Variants in FA2H observed in about 807,000 individuals in gnomAD.
The protein encoded by FA2H is fatty acid alpha-hydroxylase.
FA2H carries 22 observed loss-of-function variants against 44.9 expected under a neutral mutation model. The observed-to-expected ratio is 0.49, with a 90% CI of 0.35 to 0.70. The LOEUF is 0.70. Ranked by LOEUF, FA2H falls within the 30% of genes least tolerant of loss-of-function variation. The pLI is 0.01. For missense variants in FA2H, 501 were observed against 504.9 expected, an observed-to-expected ratio of 0.99 and a Z score of 0.07; for synonymous variants, 243 against 213.2, an observed-to-expected ratio of 1.14 and a Z score of -1.22.
intron 1 of FA2H, among the ~76,000 whole-genome samples, chr16:74,743,400 A>G (rs1357396100): frequency 1.3e-5 from 2 of 152,238 alleles, no homozygotes; most frequent in African/African-American, 2.4e-5. Flanking sequence ...GCTTCATTCA[A>G]CTGGAAGTAT....
At chr16:74,744,837 T>C (rs1304394837) in intron 1 of FA2H, among the ~76,000 whole-genome samples, 1 of 152,160 alleles carries the variant, frequency 6.6e-6, no homozygotes, top group Non-Finnish European at 1.5e-5. Flanking sequence ...CTGCTCACCT[T>C]AGTCTCCGAG....
intron 5 of FA2H, among the ~76,000 whole-genome samples, 197 bp downstream of exon 5, chr16:74,718,791 G>A (rs545900363): frequency 5.9e-5 from 9 of 152,192 alleles, no homozygotes; most frequent in Non-Finnish European, 1.2e-4. Flanking sequence ...GCTTGATGCT[G>A]CACACCCACG....
At chr16:74,766,983 G>A (rs1186589464) in intron 1 of FA2H, among the ~76,000 whole-genome samples, 1 of 151,908 alleles carries the variant, frequency 6.6e-6, no homozygotes, top group East Asian at 1.9e-4. Context: ...GTCTCGATCT[G>A]GGTGGTGGCA....
Position 74,716,595 on chromosome 16 carries a change from G to A in FA2H, c.791C>T (p.Pro264Leu), listed in dbSNP as rs762169178. 30 of 1,557,044 alleles carry A rather than the reference G, an allele frequency of 1.9e-5. No homozygotes were observed. The highest frequency in any genetic ancestry group is 4.1e-5 in the African/African-American group (3 of 73,436). Residue 264 changes from proline (P) to leucine (L), a missense_variant, in exon 6 of 7, where the codon CCC becomes CTC. Pro to Leu is a moderately conservative substitution (Grantham distance 98). Coordinates refer to ENST00000219368, the MANE Select transcript of FA2H (RefSeq NM_024306.5). The stretch of plus-strand genomic sequence containing the variant: ...GAAGACCAGGCGGGAGCCGTCGAAG[G>A]GTGCCTGCAGATGGAGAGGCTTGGG... Reference protein sequence around the residue: ...FVMHGQHHKAPFDGSRLVFPP... With the variant: ...FVMHGQHHKALFDGSRLVFPP...
At chr16:74,770,078 C>G (rs371554275) in intron 1 of FA2H, among the ~76,000 whole-genome samples, 5 of 152,216 alleles carry the variant, frequency 3.3e-5, no homozygotes, top group African/African-American at 1.2e-4. Context: ...GCTAAACCAG[C>G]AGGACAGGGC....
At chr16:74,752,704 C>A (rs972844575) in intron 1 of FA2H, among the ~76,000 whole-genome samples, 1 of 152,148 alleles carries the variant, frequency 6.6e-6, no homozygotes, top group African/African-American at 2.4e-5. Flanking sequence ...ATATTTGCGG[C>A]TGAATGGAGG....
chr16:74,734,395 G>A lies in FA2H; in HGVS notation c.363+5628C>T, dbSNP rs1030174849. Among the ~76,000 whole-genome samples, 7 of 152,380 alleles carry A rather than the reference G, an allele frequency of 4.6e-5. No homozygotes were observed. The East Asian group carries it at 1.3e-3, about 29-fold the overall frequency. On this transcript the variant is annotated intron_variant, in intron 2 of 6. Coordinates refer to ENST00000219368, the MANE Select transcript of FA2H (RefSeq NM_024306.5). ...CTGGAATGAGCAGCTCATTGGGGTG[G>A]AGGGATTTTTTGGTGATTCAAAGAC...
chr16:74,740,556 G>A (rs1199080387), intron 1 of FA2H, among the ~76,000 whole-genome samples: 1 of 151,066 alleles, frequency 6.6e-6, no homozygotes, highest in Non-Finnish European at 1.5e-5. Context: ...GGAGGTAGAG[G>A]TTGCAGTGAG....
At chr16:74,719,242 A>T in intron 4 of FA2H, 82 bp from the exon 5 acceptor site, 1 of 1,279,952 alleles carries the variant, frequency 7.8e-7, no homozygotes, top group Admixed American at 1.8e-5. Context: ...CACCATCCCC[A>T]TCAGCTCGGG....
chr16:74,748,089 G>A (rs1962458914), intron 1 of FA2H, among the ~76,000 whole-genome samples: 1 of 152,064 alleles, frequency 6.6e-6, no homozygotes, highest in South Asian at 2.1e-4. Context: ...GATGGCCCCG[G>A]GGGGACAGGC....
chr16:74,757,511 C>T (rs1962631391), intron 1 of FA2H, among the ~76,000 whole-genome samples: 1 of 152,106 alleles, frequency 6.6e-6, no homozygotes, highest in African/African-American at 2.4e-5. Context: ...GGTTGATTTG[C>T]ATATATATGC....
intron 1 of FA2H, among the ~76,000 whole-genome samples, chr16:74,769,117 G>T (rs368331944): frequency 6.6e-6 from 1 of 152,058 alleles, no homozygotes; most frequent in Non-Finnish European, 1.5e-5. Flanking sequence ...TTATTGAGAC[G>T]GGGTCTCCTC....
At chr16:74,751,343 G>A (rs974140233) in intron 1 of FA2H, among the ~76,000 whole-genome samples, 2 of 152,124 alleles carry the variant, frequency 1.3e-5, no homozygotes, top group East Asian at 1.9e-4. Context: ...CGACCCACCC[G>A]CCTTGGCCTC....
intron 2 of FA2H, 43 bp downstream of exon 2, chr16:74,739,980 G>T: frequency 6.9e-7 from 1 of 1,444,944 alleles, no homozygotes; most frequent in Non-Finnish European, 9.7e-7. Context: ...CCTCATTCCC[G>T]CCAGCCCCCA....
intron 1 of FA2H, among the ~76,000 whole-genome samples, chr16:74,750,790 T>TGTGTGTGTGTGTGTGTGTGTGTG (rs1555540831): frequency 1.3e-5 from 2 of 151,368 alleles, no homozygotes; most frequent in East Asian, 1.9e-4. Flanking sequence ...TGTGTGTGTG[T>TGTGTGTGTGTGTGTGTGTGTGTG]TTAAGAGACA....
intron 1 of FA2H, among the ~76,000 whole-genome samples, chr16:74,740,663 AATAAT>A (rs1962277745): frequency 1.4e-5 from 2 of 145,396 alleles, no homozygotes; most frequent in Non-Finnish European, 3.0e-5. Context: ...TAATAATAAT[AATAAT>A]AAAATTTCTG....
At chr16:74,755,015 A>C (rs1255910309) in intron 1 of FA2H, among the ~76,000 whole-genome samples, 1 of 152,182 alleles carries the variant, frequency 6.6e-6, no homozygotes, top group Non-Finnish European at 1.5e-5. Context: ...ACAAGCCAAG[A>C]AACACCAAAG....
At chr16:74,722,667 C>T (rs1961864344) in intron 4 of FA2H, among the ~76,000 whole-genome samples, 2 of 152,108 alleles carry the variant, frequency 1.3e-5, no homozygotes, top group Non-Finnish European at 2.9e-5. Flanking sequence ...AATTGCAGCA[C>T]TTTGGGAGGC....
At chr16:74,726,100 T>G in intron 4 of FA2H, 125 bp downstream of exon 4, 1 of 718,164 alleles carries the variant, frequency 1.4e-6, no homozygotes, top group Non-Finnish European at 2.5e-6. Context: ...ACAGAGAGGC[T>G]TCACCAAAAA....
Sources: gnomAD v4.1 joint callset for allele counts (sites outside exome capture counted in the v4.1 genomes callset) on GRCh38, gnomAD v4.1.1 for gene constraint, MANE v1.5 for transcripts, NCBI Gene and HGNC (gene_info 2026-07-23, HGNC 2026-07-21) for gene names.